Variants in PPP1R36 observed in about 807,000 individuals in gnomAD.
PPP1R36 encodes chromosome 14 open reading frame 50.
A neutral mutation model predicts 53.4 loss-of-function variants in PPP1R36; 47 were observed. The ratio of observed to expected loss-of-function variants is 0.88; its 90% CI spans 0.70 to 1.12. The LOEUF is 1.12. Ranked by LOEUF, PPP1R36 falls within the 50% of genes most tolerant of loss-of-function variation. The probability of loss-of-function intolerance (pLI) is 0.00; values close to 1 mark genes in which losing one functional copy is unlikely to be tolerated. For missense variants in PPP1R36, 456 were observed against 513.9 expected, an observed-to-expected ratio of 0.89 and a Z score of 1.09; for synonymous variants, 153 against 170.5, an observed-to-expected ratio of 0.90 and a Z score of 0.80.
chr14:64,559,076 T>C (rs2080182631), intron 3 of PPP1R36, among the ~76,000 whole-genome samples: 1 of 152,174 alleles, frequency 6.6e-6, no homozygotes, highest in Admixed American at 6.5e-5. Context: ...TGAGTGACTT[T>C]GTTATGGCAG....
intron 10 of PPP1R36, 75 bp from the exon 11 acceptor site, chr14:64,588,029 C>A (rs974079372): frequency 1.4e-6 from 2 of 1,382,692 alleles, no homozygotes; most frequent in Admixed American, 2.1e-5. Flanking sequence ...CAGGCATGAG[C>A]CACTGCACCT....
rs1217193749 is a variant in PPP1R36 at position 64,588,200 on chromosome 14, A to G, written c.987A>G (p.Gln329=). Residue 329 remains glutamine (Q), a synonymous_variant, in exon 11 of 12, where the codon CAA becomes CAG. Transcript: ENST00000298705. ...TGCCATCTCTCAGAGAAAAAGCTCA[A>G]AACGTCTTTGAGAAAAAGTATCATC... ...TLLPSLREKA[Q]NVFEKKYHQV... 6.2e-7 allele frequency: 1 copy of G among 1,614,150 alleles called. No individual in the cohort carries two copies. The highest frequency in any genetic ancestry group is 8.5e-7 in the Non-Finnish European group (1 of 1,179,986).
chr14:64,587,448 CTTTTTTTTTTTTTTTTTT>C lies in PPP1R36; in HGVS notation c.890+89_890+106del, dbSNP rs10708900. On this transcript the variant is annotated intron_variant, in intron 10 of 11. Transcript: ENST00000298705. ...CCTTTCTTTTCTTTTCTTTTTTCTC[CTTTTTTTTTTTTTTTTTT>C]TTTTTTTTTTTTGAGACAGAGTCTT... 4.5e-4 allele frequency: 50 copies of C among 111,022 alleles called. 2 individuals carry two copies. In the South Asian group the frequency reaches 8.9e-3, roughly 20 times the overall value. The allele number at this position is 111,022 out of a possible 1,614,324, so 6.9% of individuals were successfully genotyped here.
At chr14:64,573,686 G>A (rs943146841) in intron 7 of PPP1R36, among the ~76,000 whole-genome samples, 1 of 151,980 alleles carries the variant, frequency 6.6e-6, no homozygotes, top group Non-Finnish European at 1.5e-5. Context: ...GCCAAGGTGG[G>A]TGGATCACTT....
At chr14:64,562,274 A>T (rs901636041) in intron 3 of PPP1R36, among the ~76,000 whole-genome samples, 1 of 152,146 alleles carries the variant, frequency 6.6e-6, no homozygotes, top group Admixed American at 6.5e-5. Context: ...CAGCCTGGCC[A>T]ACATGGTGAA....
intron 3 of PPP1R36, among the ~76,000 whole-genome samples, chr14:64,554,156 T>TC (rs1186464827): frequency 7.0e-6 from 1 of 143,542 alleles, no homozygotes; most frequent in Non-Finnish European, 1.5e-5. Flanking sequence ...TTTTTTTTTT[T>TC]TTTTTTTTTT....
At chr14:64,559,970 G>A (rs904442197) in intron 3 of PPP1R36, among the ~76,000 whole-genome samples, 6 of 151,948 alleles carry the variant, frequency 3.9e-5, no homozygotes, top group African/African-American at 1.5e-4. Flanking sequence ...GGGCATGGTG[G>A]TACGTGCCTG....
At position 64,550,094 on chromosome 14, in the gene PPP1R36, C is replaced by T. The variant is rs771783260; in HGVS notation, c.69+28C>T. 68 of 1,548,280 alleles carry T rather than the reference C, an allele frequency of 4.4e-5. 1 individual carries two copies. The highest frequency in any genetic ancestry group is 5.9e-5 in the Admixed American group (3 of 50,944). Reference sequence around the variant, plus strand: ...AAGTGCAGCCTTGGTCGCCCCCATACCCGGGCTGGGCGCAAGGCGGGCCCT... The same window carrying T: ...AAGTGCAGCCTTGGTCGCCCCCATATCCGGGCTGGGCGCAAGGCGGGCCCT... On this transcript the variant is annotated intron_variant, in intron 1 of 11. Transcript: ENST00000298705.
intron 8 of PPP1R36, among the ~76,000 whole-genome samples, chr14:64,576,776 C>T (rs1043194093): frequency 6.6e-6 from 1 of 152,194 alleles, no homozygotes; most frequent in African/African-American, 2.4e-5. Context: ...CCTGACAACA[C>T]CCATTCTTTA....
At chr14:64,583,410 G>T (rs1189827222) in intron 8 of PPP1R36, among the ~76,000 whole-genome samples, 1 of 152,038 alleles carries the variant, frequency 6.6e-6, no homozygotes, top group Non-Finnish European at 1.5e-5. Context: ...TTTCCTGGAC[G>T]CATTTCTATT....
Position 64,568,327 on chromosome 14 carries a change from G to T in PPP1R36, c.435-22G>T, listed in dbSNP as rs1233084646. 7 of 1,107,744 alleles carry T rather than the reference G, an allele frequency of 6.3e-6. No homozygotes were observed. In the Admixed American group the frequency reaches 7.3e-5, roughly 12 times the overall value. 68.6% of individuals were successfully genotyped at this position (1,107,744 alleles called of 1,614,324 possible). On this transcript the variant is annotated intron_variant, in intron 6 of 11. Coordinates refer to ENST00000298705, the MANE Select transcript of PPP1R36 (RefSeq NM_172365.3). ...ATAGGTTAGCATTGACTCTTTTTTT[G>T]TTGTTTCAAATCTCCCCATAGGAAT...
chr14:64,567,633 G>A (rs79067751), intron 6 of PPP1R36, among the ~76,000 whole-genome samples: 4,683 of 152,162 alleles, frequency 0.031, 143 homozygotes, highest in African/African-American at 0.083. Context: ...CTATGTTTTC[G>A]AAAGTTTAGA....
At chr14:64,555,000 C>T (rs1423838772) in intron 3 of PPP1R36, among the ~76,000 whole-genome samples, 2 of 152,050 alleles carry the variant, frequency 1.3e-5, no homozygotes, top group Non-Finnish European at 2.9e-5. Context: ...GGCCAGAACC[C>T]TAGGAAATAC....
At chr14:64,568,032 A>G (rs1318603546) in intron 6 of PPP1R36, among the ~76,000 whole-genome samples, 1 of 152,204 alleles carries the variant, frequency 6.6e-6, no homozygotes, top group Non-Finnish European at 1.5e-5. Context: ...TTTACTTGAT[A>G]CATTTCTCTA....
chr14:64,557,922 T>C (rs1278728426), intron 3 of PPP1R36, among the ~76,000 whole-genome samples: 1 of 152,100 alleles, frequency 6.6e-6, no homozygotes, highest in Non-Finnish European at 1.5e-5. Flanking sequence ...GGCAGGAGAA[T>C]CGCTTGAACC....
chr14:64,583,113 A>G (rs920075647), intron 8 of PPP1R36, among the ~76,000 whole-genome samples: 3 of 148,434 alleles, frequency 2.0e-5, no homozygotes, highest in Non-Finnish European at 4.5e-5. Context: ...GCGTTTTGCC[A>G]TCTTGCCCAG....
chr14:64,556,744 A>G (rs1470460292), intron 3 of PPP1R36, among the ~76,000 whole-genome samples: 1 of 138,720 alleles, frequency 7.2e-6, no homozygotes, highest in African/African-American at 2.6e-5. Flanking sequence ...TGGTAGAGTG[A>G]GACCCAATCT....
chr14:64,558,835 A>G (rs1482435550), intron 3 of PPP1R36, among the ~76,000 whole-genome samples: 1 of 151,730 alleles, frequency 6.6e-6, no homozygotes. Flanking sequence ...GGGTTTTCAC[A>G]ATGTTGGCTA....
At chr14:64,554,140 TTG>T (rs1341039260) in intron 3 of PPP1R36, among the ~76,000 whole-genome samples, 18 of 137,966 alleles carry the variant, frequency 1.3e-4, no homozygotes, top group Middle Eastern at 3.5e-3. Flanking sequence ...CCCATCACAA[TTG>T]TTTTTTTTTT....
Sources: allele counts gnomAD v4.1 joint callset (sites outside exome capture counted in the v4.1 genomes callset), GRCh38; gene constraint gnomAD v4.1.1; transcripts MANE v1.5; gene names NCBI Gene and HGNC (gene_info 2026-07-23, HGNC 2026-07-21).